ARHGEF3: variants seen among roughly 807,000 people sequenced by gnomAD.
ARHGEF3 encodes the protein Rho guanine nucleotide exchange factor 3.
In ARHGEF3, 28 loss-of-function variants were observed where a neutral mutation model predicts 63.2. That is an observed-to-expected ratio of 0.44 (90% CI 0.33 to 0.61). ARHGEF3 has a LOEUF of 0.61. Among genes scored for constraint, ARHGEF3 ranks in the 20% least tolerant of loss-of-function variants. The probability of loss-of-function intolerance (pLI) is 0.03; values close to 1 mark genes in which losing one functional copy is unlikely to be tolerated. For synonymous variants in ARHGEF3, 266 were observed against 254.2 expected, an observed-to-expected ratio of 1.05 and a Z score of -0.44; for missense variants, 533 against 659.3, an observed-to-expected ratio of 0.81 and a Z score of 2.10.
At chr3:56,967,908 T>A (rs182513609) in intron 2 of ARHGEF3, among the ~76,000 whole-genome samples, 8,911 of 72,844 alleles carry the variant, frequency 0.12, 663 homozygotes, top group East Asian at 0.24. Context: ...AATAATATAT[T>A]ATATATAATA....
intron 1 of ARHGEF3, among the ~76,000 whole-genome samples, chr3:57,042,762 T>C (rs1205911918): frequency 2.8e-5 from 4 of 143,452 alleles, no homozygotes; most frequent in Non-Finnish European, 6.0e-5. Context: ...AGTGGCGTGA[T>C]CTCAGCTCAC....
chr3:56,979,111 AC>A (rs1206001565), intron 2 of ARHGEF3, among the ~76,000 whole-genome samples: 1 of 152,210 alleles, frequency 6.6e-6, no homozygotes, highest in Non-Finnish European at 1.5e-5. Context: ...CTATGATTGC[AC>A]CATTGTACTC....
At chr3:56,917,127 C>G (rs976932274) in intron 3 of ARHGEF3, among the ~76,000 whole-genome samples, 1 of 152,074 alleles carries the variant, frequency 6.6e-6, no homozygotes, top group African/African-American at 2.4e-5. Context: ...TATAAAAAAC[C>G]CAGACCTCTT....
intron 4 of ARHGEF3, among the ~76,000 whole-genome samples, chr3:56,819,244 A>C (rs2038377967): frequency 6.6e-6 from 1 of 152,212 alleles, no homozygotes; most frequent in Non-Finnish European, 1.5e-5. Context: ...AAAGGCACAG[A>C]AGGTATGTAT....
intron 1 of ARHGEF3, among the ~76,000 whole-genome samples, chr3:56,797,791 C>T (rs2107951289): frequency 6.6e-6 from 1 of 152,256 alleles, no homozygotes; most frequent in East Asian, 1.9e-4. Flanking sequence ...GTAAGGTGCT[C>T]AAGGTTATAC....
chr3:57,042,677 TATATATATA>T (rs1183636787), intron 1 of ARHGEF3, among the ~76,000 whole-genome samples: 9 of 35,348 alleles, frequency 2.5e-4, no homozygotes, highest in South Asian at 8.9e-4. Context: ...TATATATATA[TATATATATA>T]TATATATATA....
chr3:57,046,853 T>A (rs115920755), intron 1 of ARHGEF3, among the ~76,000 whole-genome samples: 1,571 of 152,322 alleles, frequency 0.01, 29 homozygotes, highest in African/African-American at 0.036. Context: ...ACTCATTAAG[T>A]GGAACAGTGA....
At chr3:56,778,925 C>T (rs1034887304) in intron 1 of ARHGEF3, among the ~76,000 whole-genome samples, 1 of 152,172 alleles carries the variant, frequency 6.6e-6, no homozygotes, top group Non-Finnish European at 1.5e-5. Flanking sequence ...CAGCTGTATT[C>T]GGTCTTCAGG....
chr3:56,894,690 T>C (rs560177311), intron 3 of ARHGEF3, among the ~76,000 whole-genome samples: 1 of 152,208 alleles, frequency 6.6e-6, no homozygotes, highest in South Asian at 2.1e-4. Flanking sequence ...TATGGGCAAA[T>C]GGGTTCATTT....
chr3:57,015,439 G>A (rs574720111), intron 2 of ARHGEF3, among the ~76,000 whole-genome samples: 7 of 152,062 alleles, frequency 4.6e-5, no homozygotes, highest in African/African-American at 1.7e-4. Flanking sequence ...TTCGGAAAGG[G>A]ATATTTAAAA....
rs557587410 is a variant in ARHGEF3, at chr3:56,871,027, C to CTA, written c.192+11263_192+11264dup. Among the ~76,000 whole-genome samples the CTA allele has an allele frequency of 2.0e-5, 3 of 152,206 alleles. No individual in the cohort carries two copies. In the South Asian group the frequency reaches 6.2e-4, roughly 32 times the overall value. ...AACTAATTTTTACATATATATTTAT[C>CTA]TATCTATCTAACTCTATCTAAATAT... On this transcript the variant is annotated intron_variant, in intron 4 of 12. Transcript: ENST00000338458.
intron 2 of ARHGEF3, among the ~76,000 whole-genome samples, chr3:56,965,687 C>G (rs561136281): frequency 1.4e-5 from 2 of 138,668 alleles, no homozygotes; most frequent in South Asian, 2.2e-4. Context: ...CTCGCTCTGT[C>G]GCCCAGGCTG....
Position 56,847,467 on chromosome 3 carries a change from C to A in ARHGEF3, c.192+34825G>T, listed in dbSNP as rs151259277. Among the ~76,000 whole-genome samples, 103 of 152,272 alleles carry A rather than the reference C, an allele frequency of 6.8e-4. No homozygotes were observed. In the Middle Eastern group the frequency reaches 0.01, roughly 15 times the overall value. The stretch of plus-strand genomic sequence containing the variant: ...GAGGTGAGGAGGGAGCATTTTATCA[C>A]CTCTTTCATCAAAGATTCTCTTGTT... On this transcript the variant is annotated intron_variant, in intron 4 of 12. Coordinates refer to the ARHGEF3 transcript ENST00000338458.
At chr3:56,958,775 T>A (rs746541352) in intron 3 of ARHGEF3, 1 of 1,513,542 alleles carries the variant, frequency 6.6e-7, no homozygotes, top group South Asian at 1.2e-5. Context: ...AGAGCATGTA[T>A]CCATAATAGG....
chr3:56,989,934 A>C (rs1456242609), intron 2 of ARHGEF3, among the ~76,000 whole-genome samples: 2 of 152,236 alleles, frequency 1.3e-5, no homozygotes, highest in African/African-American at 4.8e-5. Flanking sequence ...TAACTGCCAG[A>C]AACTTCAAAG....
intron 1 of ARHGEF3, among the ~76,000 whole-genome samples, chr3:56,789,709 A>G (rs975510371): frequency 6.6e-6 from 1 of 152,214 alleles, no homozygotes; most frequent in Non-Finnish European, 1.5e-5. Context: ...CTGAGCTATT[A>G]TGTACTATTT....
At chr3:56,730,212 G>A (rs903529509) in intron 9 of ARHGEF3, among the ~76,000 whole-genome samples, 1 of 151,914 alleles carries the variant, frequency 6.6e-6, no homozygotes, top group Non-Finnish European at 1.5e-5. Flanking sequence ...ATTAAAACAT[G>A]CCCATGTTTC....
At chr3:57,015,137 G>A (rs767478458) in intron 2 of ARHGEF3, among the ~76,000 whole-genome samples, 1 of 152,150 alleles carries the variant, frequency 6.6e-6, no homozygotes, top group East Asian at 1.9e-4. Flanking sequence ...CGTTTTACTG[G>A]TATACAGCCA....
chr3:56,983,427 T>C (rs1701407058), intron 2 of ARHGEF3, among the ~76,000 whole-genome samples: 1 of 152,176 alleles, frequency 6.6e-6, no homozygotes, highest in African/African-American at 2.4e-5. Flanking sequence ...TCTGTCACAC[T>C]CAGAGTTGGT....
Sources: gnomAD v4.1 joint callset for allele counts (sites outside exome capture counted in the v4.1 genomes callset) on GRCh38, gnomAD v4.1.1 for gene constraint, MANE v1.5 for transcripts, NCBI Gene and HGNC (gene_info 2026-07-23, HGNC 2026-07-21) for gene names.